PPFIA1: variants seen among roughly 807,000 people sequenced by gnomAD.
PPFIA1 encodes the protein liprin-alpha-1.
PPFIA1 carries 25 observed loss-of-function variants against 149.9 expected under a neutral mutation model. That is an observed-to-expected ratio of 0.17 (90% CI 0.12 to 0.23). The LOEUF is 0.23. PPFIA1 is among the 10% of genes least tolerant of loss of function. The pLI is 1.00. For synonymous variants in PPFIA1, 549 were observed against 552.8 expected (o/e 0.99, Z 0.10); for missense variants, 1,362 against 1,506.5 (o/e 0.90, Z 1.59).
At chr11:70,284,981 G>A (rs1045747238) in intron 2 of PPFIA1, among the ~76,000 whole-genome samples, 7 of 139,664 alleles carry the variant, frequency 5.0e-5, no homozygotes, top group Non-Finnish European at 7.5e-5. Flanking sequence ...ATTTAGCTGC[G>A]TTGTTATTTA....
chr11:70,276,370 T>C (rs2050382566), intron 2 of PPFIA1, among the ~76,000 whole-genome samples: 1 of 152,106 alleles, frequency 6.6e-6, no homozygotes, highest in Non-Finnish European at 1.5e-5. Flanking sequence ...AATTTACAAT[T>C]GTAGAATAAT....
rs2054283523 is a variant in PPFIA1, at chr11:70,326,315, G to GCTCCAT, written c.662_663insCCATCT (p.Leu221_Asp222insHisLeu). Reference sequence around the variant, plus strand: ...AGAAAAAAACTCTAACAGATGGAGTGCTGGACATAAACCATGAACAAGAAA... The same window carrying GCTCCAT: ...AGAAAAAAACTCTAACAGATGGAGTGCTCCATCTGGACATAAACCATGAACAAGAAA... On this transcript the variant is annotated inframe_insertion, in exon 6 of 28. Coordinates refer to ENST00000253925, the MANE Select transcript of PPFIA1 (RefSeq NM_003626.5). 1 of 1,610,404 alleles carries GCTCCAT rather than the reference G, an allele frequency of 6.2e-7. No homozygotes were observed. The highest frequency in any genetic ancestry group is 8.5e-7 in the Non-Finnish European group (1 of 1,177,748).
At chr11:70,301,529 T>TA (rs2052485613) in intron 2 of PPFIA1, among the ~76,000 whole-genome samples, 1 of 152,222 alleles carries the variant, frequency 6.6e-6, no homozygotes, top group Non-Finnish European at 1.5e-5. Context: ...TAAAATGTGA[T>TA]AAAATATATG....
intron 2 of PPFIA1, among the ~76,000 whole-genome samples, chr11:70,318,967 A>G (rs958780830): frequency 3.9e-5 from 6 of 152,222 alleles, no homozygotes; most frequent in Non-Finnish European, 7.3e-5. Flanking sequence ...ACTTGCATGG[A>G]ACAAAATGAT....
intron 15 of PPFIA1, among the ~76,000 whole-genome samples, chr11:70,347,538 C>CA (rs148487841): frequency 1.3e-5 from 2 of 151,804 alleles, no homozygotes; most frequent in African/African-American, 4.8e-5. Flanking sequence ...CTTGTCTCTA[C>CA]AAAAAAAATT....
chr11:70,291,744 A>T (rs544784292), intron 2 of PPFIA1, among the ~76,000 whole-genome samples: 1 of 151,754 alleles, frequency 6.6e-6, no homozygotes, highest in East Asian at 1.9e-4. Context: ...GTCACAGCTC[A>T]CCACAGCCTC....
chr11:70,333,691 TG>T, intron 10 of PPFIA1, 138 bp downstream of exon 10: 1 of 700,112 alleles, frequency 1.4e-6, no homozygotes, highest in Non-Finnish European at 2.6e-6. Context: ...GCATTTGTTT[TG>T]CACCCTCATC....
intron 23 of PPFIA1, 70 bp downstream of exon 23, chr11:70,372,644 CCTATTTT>C: frequency 7.7e-7 from 1 of 1,292,314 alleles, no homozygotes. Flanking sequence ...TCAGTGACTT[CCTATTTT>C]TCAAAAAATC....
chr11:70,292,381 G>A lies in PPFIA1; in HGVS notation c.264+19945G>A, dbSNP rs528356024. On this transcript the variant is annotated intron_variant, in intron 2 of 27. Transcript: ENST00000253925. Reference sequence around the variant, plus strand: ...CCTGTGTGGATTCCCACATTGGAGCGCGGGCTGGGTGGGTGGCAAGGAGAG... The same window carrying A: ...CCTGTGTGGATTCCCACATTGGAGCACGGGCTGGGTGGGTGGCAAGGAGAG... Among the ~76,000 whole-genome samples the A allele has an allele frequency of 9.8e-5, 15 of 152,332 alleles. No individual in the cohort carries two copies. The South Asian group carries it at 2.7e-3, about 27-fold the overall frequency.
chr11:70,344,540 A>G (rs1591289853), intron 15 of PPFIA1, among the ~76,000 whole-genome samples: 1 of 152,174 alleles, frequency 6.6e-6, no homozygotes, highest in Admixed American at 6.5e-5. Flanking sequence ...CGTTGCTATC[A>G]CCTGCCGCAT....
chr11:70,270,818 C>G lies in PPFIA1; in HGVS notation c.-97C>G, dbSNP rs1174329565. The stretch of plus-strand genomic sequence containing the variant: ...GTGGGGCGGGCAGGCGGACGCCGGC[C>G]GCGGGCTGCTTTCGTCGGCTCCCAA... On this transcript the variant is annotated 5_prime_UTR_variant, in exon 1 of 28. Coordinates refer to ENST00000253925, the MANE Select transcript of PPFIA1 (RefSeq NM_003626.5). The G allele has an allele frequency of 6.7e-6, 1 of 150,008 alleles. No homozygotes were observed. The highest frequency in any genetic ancestry group is 1.5e-5 in the Non-Finnish European group (1 of 67,210). 9.3% of individuals were successfully genotyped at this position (150,008 alleles called of 1,614,324 possible).
intron 2 of PPFIA1, among the ~76,000 whole-genome samples, chr11:70,313,832 C>T (rs2053434652): frequency 6.6e-6 from 1 of 152,094 alleles, no homozygotes; most frequent in South Asian, 2.1e-4. Context: ...TTGAGGCCAG[C>T]CTGGACAACA....
intron 2 of PPFIA1, among the ~76,000 whole-genome samples, chr11:70,306,119 G>A (rs1004523388): frequency 6.6e-6 from 1 of 152,196 alleles, no homozygotes; most frequent in Non-Finnish European, 1.5e-5. Flanking sequence ...CTGGTGCAAA[G>A]TGACCTTTTT....
rs368967785 is a variant in PPFIA1, at chr11:70,361,070, G to A, written c.2583-1025G>A. 7.2e-5 allele frequency among the ~76,000 whole-genome samples: 11 copies of A among 152,324 alleles called. No individual in the cohort carries two copies. The East Asian group carries it at 1.7e-3, about 24-fold the overall frequency. On this transcript the variant is annotated intron_variant, in intron 19 of 27. Transcript: ENST00000253925. ...GAGCATTATGTTAACCTCTGATTCT[G>A]TAAGGAGACGGGGATTCTGTAGAGA...
rs1469258839 is a variant in PPFIA1, at chr11:70,384,293, T to C, written c.*1303T>C. ...TTCTATTAATCTTTTGTCAACTTCC[T>C]GATTATGTAACAAAGTATGTACAGT... On this transcript the variant is annotated 3_prime_UTR_variant, in exon 28 of 28. Transcript: ENST00000253925. 6.6e-6 allele frequency: 1 copy of C among 152,652 alleles called. No individual in the cohort carries two copies. The highest frequency in any genetic ancestry group is 1.5e-5 in the Non-Finnish European group (1 of 68,040). The allele number at this position is 152,652 out of a possible 1,614,324, so 9.5% of individuals were successfully genotyped here.
rs77643335 is a variant in PPFIA1 at position 70,355,502 on chromosome 11, T to G, written c.2316-137T>G. On this transcript the variant is annotated intron_variant, in intron 17 of 27. Transcript: ENST00000253925. ...GCGCTGGCCTCGCCGGGAGTCTGCC[T>G]TTATCATGCATGATGCACTTGGTGA... The G allele has an allele frequency of 3.7e-4, 308 of 843,706 alleles. 1 individual carries two copies. The African/African-American group carries it at 4.8e-3, about 13-fold the overall frequency. The allele number at this position is 843,706 out of a possible 1,614,324, so 52.3% of individuals were successfully genotyped here. A position where few individuals can be genotyped will look rare whatever the true frequency, so the allele number is the denominator to read the frequency against.
At chr11:70,278,170 A>G (rs2050530206) in intron 2 of PPFIA1, among the ~76,000 whole-genome samples, 1 of 150,418 alleles carries the variant, frequency 6.6e-6, no homozygotes, top group South Asian at 2.1e-4. Context: ...CAGCCTCCCA[A>G]AGTGCTGGGA....
chr11:70,313,625 T>A (rs558494452), intron 2 of PPFIA1, among the ~76,000 whole-genome samples: 1 of 152,210 alleles, frequency 6.6e-6, no homozygotes, highest in Non-Finnish European at 1.5e-5. Flanking sequence ...GAGGAGGCGA[T>A]GTGATGTCTC....
intron 19 of PPFIA1, among the ~76,000 whole-genome samples, chr11:70,359,415 A>T (rs115058507): frequency 1.3e-5 from 2 of 152,176 alleles, no homozygotes; most frequent in African/African-American, 4.8e-5. Context: ...TGCCATGGCA[A>T]TGGAGCATGG....
Sources: allele counts gnomAD v4.1 joint callset (sites outside exome capture counted in the v4.1 genomes callset), GRCh38; gene constraint gnomAD v4.1.1; transcripts MANE v1.5; gene names NCBI Gene and HGNC (gene_info 2026-07-23, HGNC 2026-07-21).